The following STK4 variants were observed in gnomAD, a reference collection of about 807,000 sequenced individuals.
STK4 encodes the protein serine/threonine kinase 4.
STK4 carries 30 observed loss-of-function variants against 64.9 expected under a neutral mutation model. The ratio of observed to expected loss-of-function variants is 0.46; its 90% CI spans 0.35 to 0.63. The LOEUF is 0.63. STK4 is among the 20% of genes least tolerant of loss of function. The probability of loss-of-function intolerance (pLI) is 0.01; values close to 1 mark genes in which losing one functional copy is unlikely to be tolerated. For synonymous variants in STK4, 177 were observed against 199.0 expected (o/e 0.89, Z 0.93); for missense variants, 466 against 598.5 (o/e 0.78, Z 2.31).
intron 10 of STK4, among the ~76,000 whole-genome samples, chr20:45,070,988 T>C (rs1043362194): frequency 6.6e-6 from 1 of 152,134 alleles, no homozygotes. Context: ...TTAATTACTT[T>C]CCACTGGATC....
intron 10 of STK4, among the ~76,000 whole-genome samples, chr20:45,028,334 T>TA (rs2068389005): frequency 2.0e-5 from 3 of 151,968 alleles, no homozygotes; most frequent in African/African-American, 7.3e-5. Context: ...TCTCTTTTTT[T>TA]TTTTTTTTAA....
At chr20:45,010,358 C>T (rs897891856) in intron 9 of STK4, among the ~76,000 whole-genome samples, 2 of 152,154 alleles carry the variant, frequency 1.3e-5, no homozygotes, top group African/African-American at 2.4e-5. Context: ...AGCCACCGCG[C>T]CCGGCCTCCC....
At chr20:45,046,505 C>T (rs2068697603) in intron 10 of STK4, among the ~76,000 whole-genome samples, 1 of 150,096 alleles carries the variant, frequency 6.7e-6, no homozygotes, top group South Asian at 2.1e-4. Flanking sequence ...GTGGAGGAAT[C>T]TTAATGGATA....
chr20:45,007,926 C>A, intron 9 of STK4: 1 of 239,076 alleles, frequency 4.2e-6, no homozygotes, highest in Admixed American at 4.8e-5. Context: ...GTCTGTTATT[C>A]TCATGTTTAT....
At chr20:45,027,210 C>T (rs952291565) in intron 10 of STK4, among the ~76,000 whole-genome samples, 3 of 152,106 alleles carry the variant, frequency 2.0e-5, no homozygotes, top group Admixed American at 6.6e-5. Context: ...CGGTCAATCA[C>T]CTTAGGTCAG....
Position 45,019,049 on chromosome 20 carries a change from A to T in STK4, c.1148-5924A>T, listed in dbSNP as rs555543732. Among the ~76,000 whole-genome samples the T allele has an allele frequency of 1.0e-3, 153 of 152,280 alleles. 2 individuals carry two copies. In the South Asian group the frequency reaches 0.031, roughly 31 times the overall value. On this transcript the variant is annotated intron_variant, in intron 9 of 10. Transcript: ENST00000372806. ...GCCTGGCCACTATTTTTAAATTGAG[A>T]TATAATTTATATGTCATAAAATTTG...
chr20:45,032,787 C>T (rs1173211635), intron 10 of STK4, among the ~76,000 whole-genome samples: 1 of 152,168 alleles, frequency 6.6e-6, no homozygotes, highest in Non-Finnish European at 1.5e-5. Flanking sequence ...GGTATATACT[C>T]AATAATGGGA....
rs1478534203 is a variant in STK4 at position 45,075,052 on chromosome 20, G to A, written c.1340G>A (p.Arg447Lys). Residue 447 changes from arginine (R) to lysine (K), a missense_variant, in exon 11 of 11, where the codon AGG becomes AAG. Physicochemically the swap from Arg to Lys is conservative, Grantham distance 26. This residue lies in a region of STK4 where 276 missense variants were observed against 308.9 expected (regional missense o/e 0.89). Coordinates refer to ENST00000372806, the MANE Select transcript of STK4 (RefSeq NM_006282.5). ...TGGACAGTGGAGGACCTTCAGAAGA[G>A]GCTCTTGGCCCTGGACCCCATGATG... ...KSWTVEDLQK[R>K]LLALDPMMEQ... 1.1e-5 allele frequency: 17 copies of A among 1,614,084 alleles called. No individual in the cohort carries two copies. The highest frequency in any genetic ancestry group is 1.4e-5 in the Non-Finnish European group (16 of 1,180,038).
chr20:44,986,584 T>C (rs2067533914), intron 4 of STK4, among the ~76,000 whole-genome samples: 1 of 152,188 alleles, frequency 6.6e-6, no homozygotes, highest in Non-Finnish European at 1.5e-5. Flanking sequence ...ATAGCTTCTG[T>C]GTGGAAAATA....
rs190417433 is a variant in STK4, at chr20:44,997,429, C to T, written c.831+123C>T. The T allele has an allele frequency of 1.7e-4, 212 of 1,225,542 alleles. 2 individuals are homozygous for T. The African/African-American group carries it at 2.5e-3, about 14-fold the overall frequency. The allele number at this position is 1,225,542 out of a possible 1,614,324, so 75.9% of individuals were successfully genotyped here. A position where few individuals can be genotyped will look rare whatever the true frequency, so the allele number is the denominator to read the frequency against. On this transcript the variant is annotated intron_variant, in intron 7 of 10. Coordinates refer to ENST00000372806, the MANE Select transcript of STK4 (RefSeq NM_006282.5). ...AAGGCAGGCTGGGTGCAGTGGCTCA[C>T]GCCTGTAATCGTAGCACTTTGGGAG... is the stretch of plus-strand genomic sequence containing the variant.
chr20:45,041,991 T>C (rs758906226), intron 10 of STK4, among the ~76,000 whole-genome samples: 3 of 152,196 alleles, frequency 2.0e-5, no homozygotes, highest in African/African-American at 7.2e-5. Flanking sequence ...TTAATTTTTC[T>C]ATAATTTGAA....
chr20:45,003,051 C>T (rs1006502388), intron 9 of STK4, among the ~76,000 whole-genome samples: 4 of 151,770 alleles, frequency 2.6e-5, no homozygotes, highest in African/African-American at 9.7e-5. Context: ...TGTTCTTGCC[C>T]AGGTTAGCGT....
rs1980396767 is a variant in STK4 at position 45,074,995 on chromosome 20, T to A, written c.1306-23T>A. On this transcript the variant is annotated intron_variant, in intron 10 of 10. Transcript: ENST00000372806. ...CCACTGACTTAAGCTTTGTCGTGAC[T>A]ATACCTTCCACTTCTCTTCTAGCTT... The A allele has an allele frequency of 1.1e-5, 17 of 1,613,934 alleles. No individual in the cohort carries two copies. The East Asian group carries it at 3.8e-4, about 36-fold the overall frequency.
At chr20:45,050,373 T>G (rs2068759358) in intron 10 of STK4, among the ~76,000 whole-genome samples, 1 of 152,238 alleles carries the variant, frequency 6.6e-6, no homozygotes, top group South Asian at 2.1e-4. Context: ...GTTTGTGATC[T>G]CTGATTTAAC....
intron 5 of STK4, among the ~76,000 whole-genome samples, chr20:44,989,932 T>TG (rs2145672422): frequency 6.6e-6 from 1 of 152,354 alleles, no homozygotes; most frequent in African/African-American, 2.4e-5. Context: ...CTGTGCTGTC[T>TG]TGATTACTGT....
intron 10 of STK4, among the ~76,000 whole-genome samples, chr20:45,051,416 T>C (rs1224973674): frequency 6.6e-6 from 1 of 152,214 alleles, no homozygotes; most frequent in South Asian, 2.1e-4. Flanking sequence ...GGGGGCTTTT[T>C]GGGAGACAAA....
At chr20:45,061,328 G>C (rs561859181) in intron 10 of STK4, among the ~76,000 whole-genome samples, 2 of 152,180 alleles carry the variant, frequency 1.3e-5, no homozygotes, top group South Asian at 2.1e-4. Context: ...CATGGCTTCA[G>C]TTACCCACAA....
chr20:45,053,573 C>A (rs1315588908), intron 10 of STK4, among the ~76,000 whole-genome samples: 1 of 152,154 alleles, frequency 6.6e-6, no homozygotes, highest in African/African-American at 2.4e-5. Context: ...TATCCTAGCA[C>A]CTTAGGCCCT....
chr20:44,993,978 C>CA (rs775346644), intron 5 of STK4, among the ~76,000 whole-genome samples: 1,487 of 119,050 alleles, frequency 0.012, 6 homozygotes, highest in African/African-American at 0.019. Context: ...AACTCTTTCT[C>CA]AAAAAAAAAA....
Sources: allele counts gnomAD v4.1 joint callset (sites outside exome capture counted in the v4.1 genomes callset), GRCh38; gene constraint gnomAD v4.1.1; regional missense constraint gnomAD v4.1.1; transcripts MANE v1.5; gene names NCBI Gene and HGNC (gene_info 2026-07-23, HGNC 2026-07-21).